Variants in ENO1 observed in about 807,000 individuals in gnomAD.
ENO1 encodes enolase 1.
Under a neutral mutation model 46.3 loss-of-function variants are expected in ENO1, and 33 were observed. The observed-to-expected ratio is 0.71, with a 90% CI of 0.54 to 0.95. The LOEUF is 0.95. ENO1 is among the 40% of genes least tolerant of loss of function. The pLI, the probability that ENO1 is intolerant of heterozygous loss-of-function variation, is 0.00. For synonymous variants in ENO1, 220 were observed against 216.0 expected (o/e 1.02, Z -0.16); for missense variants, 488 against 553.3 (o/e 0.88, Z 1.18).
chr1:8,868,029 A>G lies in ENO1; in HGVS notation c.269T>C (p.Ile90Thr), dbSNP rs900455502. The G allele has an allele frequency of 1.9e-6, 3 of 1,613,952 alleles. No homozygotes were observed. Among genetic ancestry groups the G allele is most frequent in the African/African-American group, 1.3e-5 (1 of 74,892 alleles). Residue 90 changes from isoleucine to threonine, a missense_variant, in exon 5 of 12, where the codon ATT becomes ACT. Ile to Thr is a moderately conservative substitution (Grantham distance 89). Transcript: ENST00000234590. ...KKLNVTEQEKIDKLMIEMDGT... is the reference protein window; with the variant it reads ...KKLNVTEQEKTDKLMIEMDGT... ...ATCCATCTCGATCATCAGTTTGTCAATCTTCTCTTGTTCTGTGACGTTCAG... is the reference window on the plus strand; with the variant it reads ...ATCCATCTCGATCATCAGTTTGTCAGTCTTCTCTTGTTCTGTGACGTTCAG...
intron 3 of ENO1, 86 bp from the exon 4 acceptor site, chr1:8,870,596 C>T (rs965336875): frequency 1.3e-5 from 21 of 1,583,542 alleles, no homozygotes; most frequent in East Asian, 1.1e-4. Context: ...CTGTTGAGGC[C>T]GACGCGGAAG....
chr1:8,867,290 G>C (rs374589133), intron 5 of ENO1, 40 bp from the exon 6 acceptor site: 181 of 1,608,784 alleles, frequency 1.1e-4, no homozygotes, highest in Non-Finnish European at 1.5e-4. Context: ...AGTCATTTCT[G>C]ATTCACCAGC....
At chr1:8,863,456 T>C (rs985733566) in intron 9 of ENO1, 113 bp from the exon 10 acceptor site, 18 of 1,034,798 alleles carry the variant, frequency 1.7e-5, no homozygotes, top group Admixed American at 8.1e-5. Flanking sequence ...TGTTAATGGC[T>C]AAAGCCCTCC....
At position 8,867,158 on chromosome 1, in the gene ENO1, C is replaced by T. The variant is rs761970983; in HGVS notation, c.403G>A (p.Ala135Thr). Residue 135 changes from alanine to threonine, a missense_variant, in exon 6 of 12, where the codon GCT (alanine) becomes ACT (threonine). Physicochemically the swap from Ala to Thr is moderately conservative, Grantham distance 58. Coordinates refer to ENST00000234590, the MANE Select transcript of ENO1 (RefSeq NM_001428.5). ...ACTTCAGAGTTGCCAGCCAAGTCAGCGATGTGGCGGTACAGGGGGACCCCC... is the reference window on the plus strand; with the variant it reads ...ACTTCAGAGTTGCCAGCCAAGTCAGTGATGTGGCGGTACAGGGGGACCCCC... ...EKGVPLYRHI[A>T]DLAGNSEVIL... The T allele has an allele frequency of 6.8e-6, 11 of 1,613,958 alleles. No homozygotes were observed. Among genetic ancestry groups the T allele is most frequent in the East Asian group, 2.2e-5 (1 of 44,892 alleles).
intron 3 of ENO1, chr1:8,871,516 CTGA>C (rs1056712900): frequency 9.7e-7 from 1 of 1,031,110 alleles, no homozygotes; most frequent in African/African-American, 1.7e-5. Context: ...CGTGAAGAGG[CTGA>C]TGATCTCTGG....
chr1:8,866,800 A>G (rs1470800452), intron 6 of ENO1, among the ~76,000 whole-genome samples: 2 of 152,180 alleles, frequency 1.3e-5, no homozygotes, highest in African/African-American at 4.8e-5. Context: ...CGCTACTGCA[A>G]CCAGTTCACG....
intron 3 of ENO1, chr1:8,870,942 T>A: frequency 8.0e-7 from 1 of 1,250,930 alleles, no homozygotes; most frequent in Non-Finnish European, 1.0e-6. Context: ...AACCGGTGAT[T>A]AAGGACTGCG....
chr1:8,875,233 CAA>C (rs532580511), intron 1 of ENO1, among the ~76,000 whole-genome samples: 136 of 148,560 alleles, frequency 9.2e-4, no homozygotes, highest in African/African-American at 3.3e-3. Context: ...TGATTTTTCA[CAA>C]AAAAAGATTT....
At chr1:8,873,502 T>C (rs1392816993) in intron 2 of ENO1, among the ~76,000 whole-genome samples, 1 of 152,218 alleles carries the variant, frequency 6.6e-6, no homozygotes, top group Non-Finnish European at 1.5e-5. Context: ...TTAAAGTTCA[T>C]TAATATCCAA....
intron 4 of ENO1, chr1:8,870,249 C>T (rs913690523): frequency 3.3e-6 from 2 of 597,024 alleles, no homozygotes; most frequent in African/African-American, 1.9e-5. Flanking sequence ...TCTTCTGATG[C>T]AATTCCATCT....
intron 3 of ENO1, chr1:8,870,844 G>A: frequency 7.5e-7 from 1 of 1,337,868 alleles, no homozygotes; most frequent in Non-Finnish European, 9.6e-7. Context: ...CAGGGCTGGT[G>A]CCAGGAACTC....
intron 1 of ENO1, chr1:8,876,409 G>A (rs561764906): frequency 6.6e-6 from 1 of 152,180 alleles, no homozygotes; most frequent in African/African-American, 2.4e-5. Flanking sequence ...TTAATTTTGC[G>A]TTTTGGCAAA....
chr1:8,863,162 T>C (rs1642439860), intron 10 of ENO1, 73 bp downstream of exon 10: 1 of 1,548,940 alleles, frequency 6.5e-7, no homozygotes, highest in Non-Finnish European at 8.8e-7. Context: ...GGGACAGACA[T>C]GGAGCCTCAC....
At chr1:8,865,187 A>G in intron 8 of ENO1, 98 bp downstream of exon 8, 1 of 1,453,314 alleles carries the variant, frequency 6.9e-7, no homozygotes, top group Non-Finnish European at 9.5e-7. Context: ...CTCCCTCCCC[A>G]TCCCCTCCTT....
intron 8 of ENO1, 25 bp from the exon 9 acceptor site, chr1:8,864,117 A>C: frequency 6.2e-7 from 1 of 1,610,296 alleles, no homozygotes; most frequent in Non-Finnish European, 8.5e-7. Context: ...GACACGCTTC[A>C]TCAGTGTGAT....
chr1:8,873,818 C>G (rs1422956500), intron 2 of ENO1: 1 of 152,288 alleles, frequency 6.6e-6, no homozygotes, highest in Non-Finnish European at 1.5e-5. Flanking sequence ...GAGTTTAGCA[C>G]CGCTGAGTGA....
rs1409935440 is a variant in ENO1 at position 8,863,267 on chromosome 1, C to G, written c.1144G>C (p.Ala382Pro). 6.2e-7 allele frequency: 1 copy of G among 1,614,008 alleles called. No individual in the cohort carries two copies. The highest frequency in any genetic ancestry group is 1.1e-5 in the South Asian group (1 of 91,080). The change falls in exon 10 of 12, where the codon GCT becomes CCT. Residue 382 changes from alanine to proline, a missense_variant. Physicochemically the swap from Ala to Pro is conservative, Grantham distance 27. Transcript: ENST00000234590. Reference protein sequence around the residue: ...RSGETEDTFIADLVVGLCTGQ... With the variant: ...RSGETEDTFIPDLVVGLCTGQ... ...GTGCACAGCCCCACAACCAGGTCAG[C>G]GATGAAGGTATCTTCAGTCTCCCCC...
intron 3 of ENO1, 193 bp from the exon 4 acceptor site, chr1:8,870,703 AC>A: frequency 6.9e-7 from 1 of 1,449,522 alleles, no homozygotes; most frequent in Non-Finnish European, 9.1e-7. Flanking sequence ...CCTACCTAGG[AC>A]CCCAGAGGGT....
At chr1:8,864,145 C>A (rs895337458) in intron 8 of ENO1, 53 bp from the exon 9 acceptor site, 1 of 1,588,788 alleles carries the variant, frequency 6.3e-7, no homozygotes, top group Non-Finnish European at 8.6e-7. Flanking sequence ...GTGTGCTCCA[C>A]CGCAATGCCC....
Sources: allele counts gnomAD v4.1 joint callset (sites outside exome capture counted in the v4.1 genomes callset), GRCh38; gene constraint gnomAD v4.1.1; transcripts MANE v1.5; gene names NCBI Gene and HGNC (gene_info 2026-07-23, HGNC 2026-07-21).